The following VAC14 variants were observed in gnomAD, a reference collection of about 807,000 sequenced individuals.
The protein encoded by VAC14 is protein VAC14 homolog.
VAC14 carries 47 observed loss-of-function variants against 85.3 expected under a neutral mutation model. The ratio of observed to expected loss-of-function variants is 0.55; its 90% CI spans 0.44 to 0.70. VAC14 has a LOEUF of 0.70. Among genes scored for constraint, VAC14 ranks in the 30% least tolerant of loss-of-function variants. VAC14 has a pLI of 0.00. For synonymous variants in VAC14, 447 were observed against 430.5 expected, an observed-to-expected ratio of 1.04 and a Z score of -0.47; for missense variants, 861 against 1,004.3, an observed-to-expected ratio of 0.86 and a Z score of 1.93.
intron 14 of VAC14, among the ~76,000 whole-genome samples, chr16:70,707,353 G>A (rs935794653): frequency 6.6e-6 from 1 of 152,220 alleles, no homozygotes; most frequent in Non-Finnish European, 1.5e-5. Flanking sequence ...AGTGGGGTGG[G>A]AGGAGGAGGA....
At chr16:70,769,018 G>C in intron 10 of VAC14, 1 of 270,640 alleles carries the variant, frequency 3.7e-6, no homozygotes, top group Non-Finnish European at 7.2e-6. Context: ...GTTTCACCAT[G>C]TTGGCCAGGC....
intron 12 of VAC14, among the ~76,000 whole-genome samples, chr16:70,749,785 G>A (rs1041403461): frequency 6.6e-6 from 1 of 152,252 alleles, no homozygotes; most frequent in African/African-American, 2.4e-5. Flanking sequence ...GCTCCCAGTT[G>A]CTAGCAAACC....
At chr16:70,756,175 T>C (rs2031839931) in intron 12 of VAC14, 1 of 442,030 alleles carries the variant, frequency 2.3e-6, no homozygotes, top group Non-Finnish European at 4.6e-6. Context: ...GCTTCTGCCC[T>C]GAGGCAGGAA....
intron 1 of VAC14, among the ~76,000 whole-genome samples, chr16:70,799,696 T>C (rs955983332): frequency 6.6e-6 from 1 of 152,080 alleles, no homozygotes; most frequent in African/African-American, 2.4e-5. Context: ...TGCCCCAAAA[T>C]GTGAATGGTG....
intron 3 of VAC14, among the ~76,000 whole-genome samples, 170 bp downstream of exon 3, chr16:70,785,532 A>C (rs539920848): frequency 5.3e-5 from 8 of 152,344 alleles, no homozygotes; most frequent in African/African-American, 1.9e-4. Context: ...AAAAGGTATA[A>C]ATGCAAGTCC....
At chr16:70,757,346 C>T (rs1355058443) in intron 12 of VAC14, among the ~76,000 whole-genome samples, 2 of 152,266 alleles carry the variant, frequency 1.3e-5, no homozygotes, top group African/African-American at 2.4e-5. Flanking sequence ...AGCTGGAGCC[C>T]TTCCGCCTGC....
At chr16:70,784,449 T>C (rs2033956748) in intron 4 of VAC14, among the ~76,000 whole-genome samples, 1 of 151,780 alleles carries the variant, frequency 6.6e-6, no homozygotes. Flanking sequence ...ACCAACTGAA[T>C]GGCAAGACCC....
intron 12 of VAC14, chr16:70,747,017 A>G (rs1163255612): frequency 6.6e-6 from 1 of 152,252 alleles, no homozygotes; most frequent in African/African-American, 2.4e-5. Flanking sequence ...GTCTGTGCAC[A>G]TCAAACTTAT....
intron 13 of VAC14, among the ~76,000 whole-genome samples, chr16:70,733,184 C>T (rs377264411): frequency 2.6e-5 from 4 of 152,170 alleles, no homozygotes; most frequent in Non-Finnish European, 5.9e-5. Context: ...ATCTACCTTC[C>T]GTCTCTATGG....
chr16:70,765,411 C>T (rs773704488), intron 10 of VAC14, among the ~76,000 whole-genome samples: 1 of 152,176 alleles, frequency 6.6e-6, no homozygotes, highest in Non-Finnish European at 1.5e-5. Context: ...GGAATAACAG[C>T]TCTGATAACA....
At chr16:70,746,050 T>A (rs2030862184) in intron 12 of VAC14, among the ~76,000 whole-genome samples, 1 of 152,176 alleles carries the variant, frequency 6.6e-6, no homozygotes, top group South Asian at 2.1e-4. Flanking sequence ...AAAGGGCAAA[T>A]TTTATCTAGA....
chr16:70,777,251 A>G (rs533515141), intron 9 of VAC14, among the ~76,000 whole-genome samples: 32 of 152,322 alleles, frequency 2.1e-4, no homozygotes, highest in African/African-American at 7.7e-4. Context: ...AGCCATAAAC[A>G]TGTATTAAAA....
intron 1 of VAC14, among the ~76,000 whole-genome samples, chr16:70,787,421 G>A (rs781462799): frequency 9.8e-5 from 15 of 152,320 alleles, no homozygotes; most frequent in East Asian, 5.8e-4. Context: ...GGAGCAGGTC[G>A]GAGGGAGGCT....
intron 18 of VAC14, chr16:70,689,755 T>C (rs2142980774): frequency 1.0e-6 from 1 of 985,514 alleles, no homozygotes. Context: ...GGGGCCATTC[T>C]AGAGGGCCAG....
intron 4 of VAC14, 154 bp downstream of exon 4, chr16:70,784,622 T>A (rs2033963639): frequency 1.3e-6 from 1 of 793,210 alleles, no homozygotes; most frequent in Non-Finnish European, 2.1e-6. Context: ...GAGCTCGATA[T>A]TCTTGTCATA....
At position 70,687,966 on chromosome 16, in the gene VAC14, C is replaced by A; in HGVS notation, c.2311G>T (p.Gly771Trp). The A allele has an allele frequency of 6.3e-7, 1 of 1,590,086 alleles. No homozygotes were observed. ...KHLEVRHQRS[G>W]RGDHLDRRVV... ...CTCCGGTCCAGGTGGTCCCCACGCC[C>A]GCTCCGCTGGTGCCGCACTTCCAGG... The change falls in exon 19 of 19, where the codon GGG (glycine) becomes TGG (tryptophan). Residue 771 changes from glycine (G) to tryptophan (W), a missense_variant. By Grantham distance (184) the Gly-to-Trp change is radical. Transcript: ENST00000261776.
chr16:70,778,939 A>C (rs1245287169), intron 9 of VAC14: 1 of 152,206 alleles, frequency 6.6e-6, no homozygotes. Context: ...CCAGTAAAAA[A>C]AGCTCCTCCC....
rs3760120 is a variant in VAC14, at chr16:70,765,476, C to T, written c.1161-2451G>A. Among the ~76,000 whole-genome samples, 13 of 152,324 alleles carry T rather than the reference C, an allele frequency of 8.5e-5. No individual in the cohort carries two copies. In the East Asian group the frequency reaches 2.3e-3, roughly 27 times the overall value. On this transcript the variant is annotated intron_variant, in intron 10 of 18. Coordinates refer to ENST00000261776, the MANE Select transcript of VAC14 (RefSeq NM_018052.5). Reference sequence around the variant, plus strand: ...AAGCTCTCCTGGGCGCTTTCCTACACAGCCTCAAGTCACTCCTTAAAAAGC... The same window carrying T: ...AAGCTCTCCTGGGCGCTTTCCTACATAGCCTCAAGTCACTCCTTAAAAAGC...
At position 70,762,782 on chromosome 16, in the gene VAC14, A is replaced by T. The variant is rs2032505989; in HGVS notation, c.1305+99T>A. 5 of 1,575,940 alleles carry T rather than the reference A, an allele frequency of 3.2e-6. No individual in the cohort carries two copies. Among genetic ancestry groups the T allele is most frequent in the Non-Finnish European group, 4.3e-6 (5 of 1,155,404 alleles). The stretch of plus-strand genomic sequence containing the variant: ...CTTCTCTGCCGGCCAGGGTTTCCCT[A>T]GAAGGGCAATGACCAAAATGCTACC... On this transcript the variant is annotated intron_variant, in intron 11 of 18. Transcript: ENST00000261776. The surrounding 1 kb of genome is among the most constrained non-coding windows in gnomAD (Gnocchi z 4.1).
Sources: gnomAD v4.1 joint callset for allele counts (sites outside exome capture counted in the v4.1 genomes callset) on GRCh38, gnomAD v4.1.1 for gene constraint, Gnocchi (gnomAD v3.1) non-coding constraint, MANE v1.5 for transcripts, NCBI Gene and HGNC (gene_info 2026-07-23, HGNC 2026-07-21) for gene names.